Variants in ATP9B observed in about 807,000 individuals in gnomAD.
The protein encoded by ATP9B is ATPase phospholipid transporting 9B.
In ATP9B, 110 loss-of-function variants were observed where a neutral mutation model predicts 146.1. The ratio of observed to expected loss-of-function variants is 0.75; its 90% CI spans 0.65 to 0.88. The LOEUF is 0.88. Among genes scored for constraint, ATP9B ranks in the 40% least tolerant of loss-of-function variants. The pLI is 0.00. For missense variants in ATP9B, 1,499 were observed against 1,496.4 expected, an observed-to-expected ratio of 1.00 and a Z score of -0.03; for synonymous variants, 604 against 569.7, an observed-to-expected ratio of 1.06 and a Z score of -0.86.
intron 5 of ATP9B, among the ~76,000 whole-genome samples, chr18:79,135,394 AT>A (rs1351011339): frequency 6.6e-6 from 1 of 151,974 alleles, no homozygotes; most frequent in African/African-American, 2.4e-5. Context: ...AAGCTTTTCT[AT>A]CTATGGATTC....
At chr18:79,229,835 A>T (rs1168376519) in intron 11 of ATP9B, among the ~76,000 whole-genome samples, 5 of 152,226 alleles carry the variant, frequency 3.3e-5, no homozygotes, top group South Asian at 2.1e-4. Context: ...AATTAAATGG[A>T]TTCTTGAACA....
At chr18:79,316,274 C>A (rs2096679355) in intron 15 of ATP9B, among the ~76,000 whole-genome samples, 1 of 152,048 alleles carries the variant, frequency 6.6e-6, no homozygotes, top group African/African-American at 2.4e-5. Context: ...TCTGTGGTTG[C>A]CTGCGCCATC....
At chr18:79,152,343 T>C (rs934120369) in intron 6 of ATP9B, among the ~76,000 whole-genome samples, 6 of 152,144 alleles carry the variant, frequency 3.9e-5, no homozygotes, top group Non-Finnish European at 8.8e-5. Context: ...CCTGCTAAAA[T>C]CTCTTGGCAT....
chr18:79,200,762 CGT>C (rs1361094417), intron 9 of ATP9B, among the ~76,000 whole-genome samples: 285 of 26,536 alleles, frequency 0.011, no homozygotes, highest in Middle Eastern at 0.025. Flanking sequence ...GAGGTGGGAA[CGT>C]TGGGGTCAGA....
chr18:79,169,433 T>C (rs1225078750), intron 7 of ATP9B, among the ~76,000 whole-genome samples: 1 of 152,188 alleles, frequency 6.6e-6, no homozygotes, highest in African/African-American at 2.4e-5. Flanking sequence ...GAGCTTGCTG[T>C]GTGTCACCTG....
At chr18:79,334,350 C>CT (rs1475327032) in intron 17 of ATP9B, among the ~76,000 whole-genome samples, 1 of 151,760 alleles carries the variant, frequency 6.6e-6, no homozygotes, top group Admixed American at 6.6e-5. Flanking sequence ...GAGCAAGACT[C>CT]TGTCTCAAAA....
chr18:79,159,040 C>T (rs1475774542), intron 7 of ATP9B, among the ~76,000 whole-genome samples: 1 of 152,130 alleles, frequency 6.6e-6, no homozygotes, highest in Non-Finnish European at 1.5e-5. Context: ...CAGATTGGCC[C>T]TTTTATCATT....
At chr18:79,277,655 C>T (rs530239549) in intron 13 of ATP9B, among the ~76,000 whole-genome samples, 1 of 152,270 alleles carries the variant, frequency 6.6e-6, no homozygotes, top group South Asian at 2.1e-4. Flanking sequence ...ATTTATCCCA[C>T]TCTAAAGCTC....
At chr18:79,142,352 T>C (rs1295457092) in intron 5 of ATP9B, among the ~76,000 whole-genome samples, 1 of 152,244 alleles carries the variant, frequency 6.6e-6, no homozygotes, top group Non-Finnish European at 1.5e-5. Context: ...TCAAAATGTT[T>C]TAAAGTTATT....
At chr18:79,263,294 G>A (rs898701182) in intron 12 of ATP9B, among the ~76,000 whole-genome samples, 4 of 152,154 alleles carry the variant, frequency 2.6e-5, no homozygotes, top group African/African-American at 9.7e-5. Flanking sequence ...GTGTACCCAA[G>A]TCCCACAGTG....
chr18:79,290,575 G>A (rs2096493011), intron 13 of ATP9B, among the ~76,000 whole-genome samples: 1 of 152,230 alleles, frequency 6.6e-6, no homozygotes, highest in African/African-American at 2.4e-5. Flanking sequence ...CCCGAGTGAG[G>A]CAATGCCTCG....
intron 10 of ATP9B, among the ~76,000 whole-genome samples, chr18:79,213,299 A>T (rs1236602044): frequency 6.6e-6 from 1 of 152,146 alleles, no homozygotes; most frequent in Admixed American, 6.5e-5. Flanking sequence ...CTGACATTCT[A>T]GAGATAAGTG....
At chr18:79,264,079 T>C (rs1004695557) in intron 12 of ATP9B, among the ~76,000 whole-genome samples, 6 of 152,070 alleles carry the variant, frequency 3.9e-5, no homozygotes, top group African/African-American at 1.4e-4. Flanking sequence ...TGTAAGACTC[T>C]GTCTCAAAAA....
At position 79,332,345 on chromosome 18, in the gene ATP9B, C is replaced by T. The variant is rs572613645; in HGVS notation, c.2028+2241C>T. Among the ~76,000 whole-genome samples the T allele has an allele frequency of 1.8e-4, 27 of 152,282 alleles. No individual in the cohort carries two copies. The East Asian group carries it at 2.1e-3, about 12-fold the overall frequency. ...TTGGGAGGCTGAGGCAGGAGAATGG[C>T]GTGAACCCGGGAGGCAGAGCTTGCA... On this transcript the variant is annotated intron_variant, in intron 17 of 29. Coordinates refer to ENST00000426216, the MANE Select transcript of ATP9B (RefSeq NM_198531.5).
intron 25 of ATP9B, among the ~76,000 whole-genome samples, chr18:79,349,480 C>T (rs879455070): frequency 3.3e-5 from 5 of 152,216 alleles, no homozygotes; most frequent in Non-Finnish European, 7.3e-5. Context: ...CTCACCGTCA[C>T]GCAGCCACTG....
intron 9 of ATP9B, among the ~76,000 whole-genome samples, chr18:79,195,411 G>C (rs2095409170): frequency 6.6e-6 from 1 of 152,020 alleles, no homozygotes; most frequent in Non-Finnish European, 1.5e-5. Context: ...CATCGTGCCT[G>C]GGCCAATGTA....
Position 79,143,704 on chromosome 18 carries a change from T to TC in ATP9B, c.668-97dup. 6.6e-6 allele frequency: 5 copies of TC among 754,394 alleles called. No homozygotes were observed. The South Asian group carries it at 1.5e-4, about 22-fold the overall frequency. The allele number at this position is 754,394 out of a possible 1,614,324, so 46.7% of individuals were successfully genotyped here. A position where few individuals can be genotyped will look rare whatever the true frequency, so the allele number is the denominator to read the frequency against. The stretch of plus-strand genomic sequence containing the variant: ...TAGGGAAATTTCTAAAGTTTTTTTT[T>TC]CTGTAGCTTATTTCTAAAGTAATTA... On this transcript the variant is annotated intron_variant, in intron 5 of 29. Transcript: ENST00000426216.
At chr18:79,263,813 G>A (rs988513910) in intron 12 of ATP9B, among the ~76,000 whole-genome samples, 2 of 152,182 alleles carry the variant, frequency 1.3e-5, no homozygotes, top group Non-Finnish European at 2.9e-5. Context: ...GGCCGGGCGC[G>A]TTGGCTCACG....
chr18:79,260,496 A>T (rs2096129063), intron 12 of ATP9B, among the ~76,000 whole-genome samples: 1 of 152,208 alleles, frequency 6.6e-6, no homozygotes, highest in African/African-American at 2.4e-5. Flanking sequence ...CTCTGCAGAA[A>T]CCAGGAGTAG....
Sources: gnomAD v4.1 joint callset for allele counts (sites outside exome capture counted in the v4.1 genomes callset) on GRCh38, gnomAD v4.1.1 for gene constraint, MANE v1.5 for transcripts, NCBI Gene and HGNC (gene_info 2026-07-23, HGNC 2026-07-21) for gene names.